Variants in CD63 observed in about 807,000 individuals in gnomAD.
CD63 encodes the protein CD63 molecule.
A neutral mutation model predicts 29.2 loss-of-function variants in CD63; 16 were observed. The ratio of observed to expected loss-of-function variants is 0.55; its 90% CI spans 0.37 to 0.83. The LOEUF is 0.83. CD63 is among the 40% of genes least tolerant of loss of function. The probability of loss-of-function intolerance (pLI) is 0.00; values close to 1 mark genes in which losing one functional copy is unlikely to be tolerated. For synonymous variants in CD63, 118 were observed against 111.7 expected, an observed-to-expected ratio of 1.06 and a Z score of -0.36; for missense variants, 251 against 297.3, an observed-to-expected ratio of 0.84 and a Z score of 1.15.
In CD63 at chr12:55,727,226, C is replaced by A. The variant is rs1272847407; in HGVS notation, c.180G>T (p.Val60=). 6.2e-7 allele frequency: 1 copy of A among 1,613,778 alleles called. No individual in the cohort carries two copies. The change falls in exon 3 of 8, where the codon GTG becomes GTT. Residue 60 remains valine, a synonymous_variant. Transcript: ENST00000257857. ...AAGCCACCAGGAAGAGGAAGACACC[C>A]ACTGCGATGATGACCACTGGCAACA... ...GSLLPVVIIA[V]GVFLFLVAFV...
intron 5 of CD63, among the ~76,000 whole-genome samples, 164 bp downstream of exon 5, chr12:55,726,536 G>C (rs1462313067): frequency 6.6e-6 from 1 of 151,724 alleles, no homozygotes; most frequent in Non-Finnish European, 1.5e-5. Flanking sequence ...GTAGAGACAG[G>C]GTTTCACCAC....
chr12:55,725,639 A>G lies in CD63; in HGVS notation c.652-13T>C. On this transcript the variant is annotated splice_polypyrimidine_tract_variant and intron_variant, in intron 7 of 7. Coordinates refer to ENST00000257857, the MANE Select transcript of CD63 (RefSeq NM_001780.6). ...CAATTCCCAAAACCTAGAAGGAAAG[A>G]TGGGGACAGGGGTGGAGAGGAGTCA... The G allele has an allele frequency of 2.5e-6, 4 of 1,613,506 alleles. No individual in the cohort carries two copies. The highest frequency in any genetic ancestry group is 3.4e-6 in the Non-Finnish European group (4 of 1,179,470).
downstream of CD63, chr12:55,724,407 T>C (rs1336959187): frequency 6.2e-7 from 1 of 1,614,214 alleles, no homozygotes. Flanking sequence ...ATGCCCTGAC[T>C]GCTCGACACC....
intron 2 of CD63, chr12:55,727,854 C>T: frequency 1.9e-6 from 2 of 1,060,096 alleles, no homozygotes; most frequent in African/African-American, 1.7e-5. Context: ...TGGGCAGAGC[C>T]CTTCCTCACC....
chr12:55,725,707 C>A (rs1877238357), intron 7 of CD63, 81 bp from the exon 8 acceptor site: 1 of 1,519,852 alleles, frequency 6.6e-7, no homozygotes, highest in Non-Finnish European at 9.1e-7. Context: ...ACTCCAAACA[C>A]ACACTCCCAG....
At chr12:55,727,886 A>C in intron 2 of CD63, 2 of 1,082,324 alleles carry the variant, frequency 1.8e-6, no homozygotes, top group Non-Finnish European at 2.2e-6. Flanking sequence ...GGAGGAGGGA[A>C]AGGGGGAGAG....
chr12:55,725,997 A>T, intron 6 of CD63, 101 bp from the exon 7 acceptor site: 1 of 1,430,340 alleles, frequency 7.0e-7, no homozygotes, highest in Non-Finnish European at 9.7e-7. Flanking sequence ...TGTACCTTTC[A>T]CCCCACCCTT....
chr12:55,725,418 G>C lies in CD63; in HGVS notation c.*143C>G. On this transcript the variant is annotated 3_prime_UTR_variant, in exon 8 of 8. Coordinates refer to ENST00000257857, the MANE Select transcript of CD63 (RefSeq NM_001780.6). ...AGGTCCCAGAGGACAGGGAACATCA[G>C]TAAGGAAAGGAAGGAATCAAGCATC... 1 of 726,122 alleles carries C rather than the reference G, an allele frequency of 1.4e-6. No homozygotes were observed. 45.0% of individuals were successfully genotyped at this position (726,122 alleles called of 1,614,324 possible).
At position 55,728,418 on chromosome 12, in the gene CD63, C is replaced by G; in HGVS notation, c.-11-66G>C. The stretch of plus-strand genomic sequence containing the variant: ...AGGGGGACCTCGGTTTCCGGGCTCC[C>G]GGCCGGCCCTCGAGGGCTTCCCTTC... On this transcript the variant is annotated intron_variant, in intron 1 of 7. Coordinates refer to ENST00000257857, the MANE Select transcript of CD63 (RefSeq NM_001780.6). This position sits in a 1 kb window ranked among gnomAD's most constrained non-coding sequence, Gnocchi z 4.8. The G allele has an allele frequency of 1.3e-6, 2 of 1,551,994 alleles. No homozygotes were observed. Among genetic ancestry groups the G allele is most frequent in the Non-Finnish European group, 1.7e-6 (2 of 1,148,732 alleles).
At position 55,726,795 on chromosome 12, in the gene CD63, C is replaced by T; in HGVS notation, c.331G>A (p.Val111Met). 6.2e-7 allele frequency: 1 copy of T among 1,613,014 alleles called. No individual in the cohort carries two copies. The highest frequency in any genetic ancestry group is 8.5e-7 in the Non-Finnish European group (1 of 1,178,926). The change falls in exon 5 of 8, where the codon GTG becomes ATG. Residue 111 changes from valine to methionine, a missense_variant and splice_region_variant. Transcript: ENST00000257857. The stretch of plus-strand genomic sequence containing the variant: ...AAGTTGTTATTAAACTCTGACATCA[C>T]CTGAGAGTACGGAGGAGCACTGTTG... Reference protein sequence around the residue: ...AIAGYVFRDKVMSEFNNNFRQ... With the variant: ...AIAGYVFRDKMMSEFNNNFRQ...
chr12:55,727,728 C>T, intron 2 of CD63: 1 of 1,039,318 alleles, frequency 9.6e-7, no homozygotes, highest in Non-Finnish European at 1.2e-6. Context: ...ACTAAGGTTC[C>T]TCTGGCCAGT....
rs1877619885 is a variant in CD63, at chr12:55,728,149, T to G, written c.66+127A>C. 1.1e-6 allele frequency: 1 copy of G among 929,848 alleles called. No individual in the cohort carries two copies. Among genetic ancestry groups the G allele is most frequent in the Non-Finnish European group, 1.7e-6 (1 of 596,630 alleles). The allele number at this position is 929,848 out of a possible 1,614,324, so 57.6% of individuals were successfully genotyped here. Reference sequence around the variant, plus strand: ...GGAGGAGGGAGTGGCTGCGCTGTCTTTCCCTGGCTTTCTTTCCACATCTGG... The same window carrying G: ...GGAGGAGGGAGTGGCTGCGCTGTCTGTCCCTGGCTTTCTTTCCACATCTGG... On this transcript the variant is annotated intron_variant, in intron 2 of 7. Transcript: ENST00000257857. The surrounding 1 kb of genome is among the most constrained non-coding windows in gnomAD (Gnocchi z 4.8).
chr12:55,723,625 G>T, downstream of CD63: 1 of 485,278 alleles, frequency 2.1e-6, no homozygotes, highest in Non-Finnish European at 3.8e-6. Flanking sequence ...TTTGTTTCTT[G>T]GCCTGCCATG....
upstream of CD63, chr12:55,729,153 G>A (rs1334860619): frequency 2.0e-6 from 2 of 984,554 alleles, no homozygotes; most frequent in Middle Eastern, 5.2e-4. Flanking sequence ...GCCCGGCGCG[G>A]GGTGGGCCGA....
At chr12:55,723,665 G>GA (rs1877035338), downstream of CD63, 8 of 572,500 alleles carry the variant, frequency 1.4e-5, no homozygotes, top group South Asian at 1.0e-4. Flanking sequence ...GGCCCTTTAA[G>GA]AAAAAAACGT....
Position 55,728,440 on chromosome 12 carries a change from C to T in CD63, c.-11-88G>A. ...TCCCGGCCGGCCCTCGAGGGCTTCC[C>T]TTCACGGCCCCGATTCCCGGCCCCT... On this transcript the variant is annotated intron_variant, in intron 1 of 7. Coordinates refer to ENST00000257857, the MANE Select transcript of CD63 (RefSeq NM_001780.6). This position sits in a 1 kb window ranked among gnomAD's most constrained non-coding sequence, Gnocchi z 4.8. 1 of 1,530,826 alleles carries T rather than the reference C, an allele frequency of 6.5e-7. No individual in the cohort carries two copies. The allele number at this position is 1,530,826 out of a possible 1,614,324, so 94.8% of individuals were successfully genotyped here. A position where few individuals can be genotyped will look rare whatever the true frequency, so the allele number is the denominator to read the frequency against.
chr12:55,726,642 G>A (rs947517740), intron 5 of CD63, 58 bp downstream of exon 5: 18 of 1,364,938 alleles, frequency 1.3e-5, no homozygotes, highest in Non-Finnish European at 1.9e-5. Context: ...ACCACACCCA[G>A]CCTTGGAGAT....
chr12:55,726,447 C>T (rs758128458), intron 5 of CD63, 186 bp from the exon 6 acceptor site: 8 of 630,460 alleles, frequency 1.3e-5, no homozygotes, highest in Non-Finnish European at 2.1e-5. Context: ...CGGGTTCAAG[C>T]GATTCTCCTG....
At position 55,728,189 on chromosome 12, in the gene CD63, A is replaced by T; in HGVS notation, c.66+87T>A. ...TCCACATCTGGTCTCCAGCTGCCTT[A>T]ATTCTCATTCCCTCAGCCCTCACCA... is the stretch of plus-strand genomic sequence containing the variant. On this transcript the variant is annotated intron_variant, in intron 2 of 7. Coordinates refer to ENST00000257857, the MANE Select transcript of CD63 (RefSeq NM_001780.6). This position sits in a 1 kb window ranked among gnomAD's most constrained non-coding sequence, Gnocchi z 4.8. The T allele has an allele frequency of 1.6e-6, 2 of 1,218,458 alleles. No individual in the cohort carries two copies. Among genetic ancestry groups the T allele is most frequent in the Non-Finnish European group, 2.4e-6 (2 of 843,088 alleles). 75.5% of individuals were successfully genotyped at this position (1,218,458 alleles called of 1,614,324 possible). A position where few individuals can be genotyped will look rare whatever the true frequency, so the allele number is the denominator to read the frequency against.
Sources: gnomAD v4.1 joint callset for allele counts (sites outside exome capture counted in the v4.1 genomes callset) on GRCh38, gnomAD v4.1.1 for gene constraint, Gnocchi (gnomAD v3.1) non-coding constraint, MANE v1.5 for transcripts, NCBI Gene and HGNC (gene_info 2026-07-23, HGNC 2026-07-21) for gene names.